FRMD4B: variants seen among roughly 807,000 people sequenced by gnomAD.
FRMD4B encodes FERM domain containing 4B.
Under a neutral mutation model 141.5 loss-of-function variants are expected in FRMD4B, and 74 were observed. That is an observed-to-expected ratio of 0.52 (90% CI 0.43 to 0.63). The LOEUF is 0.63. Among genes scored for constraint, FRMD4B ranks in the 30% least tolerant of loss-of-function variants. The pLI is 0.00. For synonymous variants in FRMD4B, 506 were observed against 467.9 expected, an observed-to-expected ratio of 1.08 and a Z score of -1.05; for missense variants, 1,366 against 1,253.4, an observed-to-expected ratio of 1.09 and a Z score of -1.36.
At position 69,399,320 on chromosome 3, in the gene FRMD4B, C is replaced by T. The variant is rs976987045; in HGVS notation, c.-1+33314G>A. On this transcript the variant is annotated intron_variant, in intron 2 of 5. Coordinates refer to the FRMD4B transcript ENST00000459638. ...CGCTGAGAAATCTGAGAATGGGTGTCCCCAGGTGAAACCCAGCCCTTCCAT... is the reference window on the plus strand; with the variant it reads ...CGCTGAGAAATCTGAGAATGGGTGTTCCCAGGTGAAACCCAGCCCTTCCAT... Among the ~76,000 whole-genome samples the T allele has an allele frequency of 4.6e-5, 7 of 152,284 alleles. No individual in the cohort carries two copies. The East Asian group carries it at 1.2e-3, about 25-fold the overall frequency.
chr3:69,205,205 C>A (rs540469748), intron 11 of FRMD4B, among the ~76,000 whole-genome samples: 1 of 150,770 alleles, frequency 6.6e-6, no homozygotes, highest in South Asian at 2.1e-4. Context: ...CTTGGTCTGT[C>A]ACCTAAGCTG....
chr3:69,335,607 C>T (rs1050710636), intron 1 of FRMD4B, among the ~76,000 whole-genome samples: 2 of 151,966 alleles, frequency 1.3e-5, no homozygotes, highest in Admixed American at 6.6e-5. Flanking sequence ...TGAGCCGCTG[C>T]AGCCGGCCCC....
chr3:69,343,800 G>A (rs560720639), intron 1 of FRMD4B, among the ~76,000 whole-genome samples: 6 of 151,836 alleles, frequency 4.0e-5, no homozygotes, highest in Non-Finnish European at 5.9e-5. Context: ...GGCTGGTATC[G>A]AACTCCTGGC....
At chr3:69,275,500 C>G (rs1231710652) in intron 5 of FRMD4B, among the ~76,000 whole-genome samples, 4 of 150,348 alleles carry the variant, frequency 2.7e-5, no homozygotes, top group African/African-American at 9.8e-5. Flanking sequence ...AATACAGTGG[C>G]ACAATCATGG....
intron 1 of FRMD4B, among the ~76,000 whole-genome samples, chr3:69,337,135 T>C (rs112757050): frequency 0.014 from 2,085 of 150,504 alleles, 58 homozygotes; most frequent in African/African-American, 0.048. Flanking sequence ...AGAACAGAGC[T>C]CTCAGAAATA....
chr3:69,360,476 T>C (rs1703441494), intron 1 of FRMD4B, among the ~76,000 whole-genome samples: 2 of 152,300 alleles, frequency 1.3e-5, no homozygotes, highest in Middle Eastern at 3.4e-3. Context: ...TTTCCCCAAG[T>C]TTGTTTGAAT....
At chr3:69,502,935 T>C (rs556499057) in intron 1 of FRMD4B, among the ~76,000 whole-genome samples, 14 of 152,204 alleles carry the variant, frequency 9.2e-5, no homozygotes, top group African/African-American at 3.1e-4. Flanking sequence ...CATGAAAAAA[T>C]GCTCATCATC....
intron 19 of FRMD4B, 79 bp from the exon 20 acceptor site, chr3:69,182,796 A>C (rs1291917399): frequency 1.5e-6 from 2 of 1,357,512 alleles, no homozygotes; most frequent in African/African-American, 1.5e-5. Context: ...GCAGATACAA[A>C]ACTTACTAGA....
At chr3:69,328,774 A>G (rs1702265507) in intron 1 of FRMD4B, among the ~76,000 whole-genome samples, 1 of 152,202 alleles carries the variant, frequency 6.6e-6, no homozygotes, top group South Asian at 2.1e-4. Context: ...CCATGGCAAC[A>G]TCCAGAAGTT....
At chr3:69,426,568 TG>T (rs920104246) in intron 2 of FRMD4B, among the ~76,000 whole-genome samples, 4 of 152,198 alleles carry the variant, frequency 2.6e-5, no homozygotes, top group African/African-American at 9.6e-5. Context: ...ATGTCTGTCC[TG>T]GCAGAGGAAA....
intron 7 of FRMD4B, among the ~76,000 whole-genome samples, chr3:69,235,415 T>C (rs754657679): frequency 6.6e-6 from 1 of 151,770 alleles, no homozygotes; most frequent in Non-Finnish European, 1.5e-5. Flanking sequence ...ATCCCAGCAC[T>C]TTGGGAGGCA....
chr3:69,265,279 T>A (rs1372991032), intron 5 of FRMD4B, among the ~76,000 whole-genome samples: 611 of 3,982 alleles, frequency 0.15, 225 homozygotes, highest in East Asian at 0.2. Flanking sequence ...AATATATATA[T>A]ATATATATAT....
intron 13 of FRMD4B, chr3:69,196,668 A>G (rs2092908704): frequency 3.4e-6 from 2 of 580,410 alleles, no homozygotes; most frequent in East Asian, 2.9e-5. Flanking sequence ...CAGTGTCACC[A>G]GTATATACAA....
At chr3:69,320,038 C>T (rs1251143099) in intron 1 of FRMD4B, among the ~76,000 whole-genome samples, 3 of 152,180 alleles carry the variant, frequency 2.0e-5, no homozygotes, top group African/African-American at 7.2e-5. Context: ...TTAACCACTG[C>T]TTATTTGAAA....
rs76281247 is a variant in FRMD4B, at chr3:69,177,868, C to T, written c.2852-1212G>A. 1.8e-3 allele frequency among the ~76,000 whole-genome samples: 267 copies of T among 151,972 alleles called. 2 individuals carry two copies. Among genetic ancestry groups the T allele is most frequent in the African/African-American group, 6.1e-3 (252 of 41,432 alleles). The stretch of plus-strand genomic sequence containing the variant: ...TTCCTCAGCCAAAGACAACACTGGC[C>T]GCTAGCAAGATCAAGGCTATTTTTT... On this transcript the variant is annotated intron_variant, in intron 21 of 22. Transcript: ENST00000398540.
intron 1 of FRMD4B, among the ~76,000 whole-genome samples, chr3:69,454,583 C>T (rs1282439318): frequency 6.6e-6 from 1 of 152,232 alleles, no homozygotes; most frequent in Non-Finnish European, 1.5e-5. Flanking sequence ...GCACCCAGGC[C>T]AGCAGCTGCG....
At chr3:69,523,332 G>A (rs1163878471) in intron 1 of FRMD4B, among the ~76,000 whole-genome samples, 2 of 152,176 alleles carry the variant, frequency 1.3e-5, no homozygotes, top group African/African-American at 2.4e-5. Flanking sequence ...AAAGCTCAAT[G>A]TAAAATAAGG....
At chr3:69,403,209 C>T (rs1457765033) in intron 2 of FRMD4B, among the ~76,000 whole-genome samples, 1 of 152,052 alleles carries the variant, frequency 6.6e-6, no homozygotes, top group East Asian at 1.9e-4. Context: ...CCAAATATTC[C>T]TCAGAAAAGA....
chr3:69,342,822 T>C (rs1364224338), intron 1 of FRMD4B, among the ~76,000 whole-genome samples: 1 of 152,218 alleles, frequency 6.6e-6, no homozygotes. Context: ...ACAGTCACCC[T>C]ATAGTGCTAT....
Sources: allele counts gnomAD v4.1 joint callset (sites outside exome capture counted in the v4.1 genomes callset), GRCh38; gene constraint gnomAD v4.1.1; transcripts MANE v1.5; gene names NCBI Gene and HGNC (gene_info 2026-07-23, HGNC 2026-07-21).